The following BMAL1 variants were observed in gnomAD, a reference collection of about 807,000 sequenced individuals.
BMAL1 encodes basic helix-loop-helix ARNT-like protein 1.
chr11:13,346,204 G>A, the BMAL1 span, among the ~76,000 whole-genome samples: 3 of 152,212 alleles, frequency 2.0e-5, no homozygotes, highest in African/African-American at 7.2e-5. Flanking sequence ...AGTTGTGGCT[G>A]TCACTTCTGC....
chr11:13,384,800 TTATTTATGTTAACA>T, the BMAL1 span, among the ~76,000 whole-genome samples: 1 of 152,230 alleles, frequency 6.6e-6, no homozygotes, highest in Non-Finnish European at 1.5e-5. Context: ...ATACTATTCA[TTATTTATGTTAACA>T]TGTAGCGGGT....
chr11:13,294,372 T>A, the BMAL1 span, among the ~76,000 whole-genome samples: 4 of 147,714 alleles, frequency 2.7e-5, no homozygotes, highest in Non-Finnish European at 4.5e-5. Flanking sequence ...TGACTTTTAT[T>A]CTCATCTCCT....
the BMAL1 span, among the ~76,000 whole-genome samples, chr11:13,384,579 C>T: frequency 6.6e-6 from 1 of 152,128 alleles, no homozygotes; most frequent in Non-Finnish European, 1.5e-5. Context: ...TTAAAATATG[C>T]CTCCCTTTTC....
chr11:13,280,589 A>G, the BMAL1 span, among the ~76,000 whole-genome samples: 4 of 152,362 alleles, frequency 2.6e-5, no homozygotes, highest in Non-Finnish European at 5.9e-5. Context: ...CATCATGATA[A>G]CTAAAGTAGG....
chr11:13,325,591 C>G, the BMAL1 span, among the ~76,000 whole-genome samples: 1 of 151,418 alleles, frequency 6.6e-6, no homozygotes, highest in African/African-American at 2.4e-5. Context: ...GGAGGCAGAC[C>G]GGCAGCAGGC....
chr11:13,375,568 G>A, the BMAL1 span: 1 of 1,484,256 alleles, frequency 6.7e-7, no homozygotes, highest in Non-Finnish European at 9.0e-7. Flanking sequence ...TTAATACTTT[G>A]GTCTGAGAAA....
the BMAL1 span, among the ~76,000 whole-genome samples, chr11:13,328,674 C>T: frequency 1.3e-5 from 2 of 152,228 alleles, no homozygotes; most frequent in African/African-American, 4.8e-5. Context: ...GGTGCCAGAA[C>T]TGAATTCATC....
At chr11:13,339,430 TAC>T in the BMAL1 span, among the ~76,000 whole-genome samples, 18 of 144,146 alleles carry the variant, frequency 1.2e-4, no homozygotes, top group East Asian at 2.0e-4. Flanking sequence ...GCCCTGCTTT[TAC>T]ACACACACAC....
chr11:13,386,672 AATGGCTGTC>A, the BMAL1 span: 1 of 1,614,042 alleles, frequency 6.2e-7, no homozygotes. Flanking sequence ...ATGAGGCAGC[AATGGCTGTC>A]ATCATGAGCC....
At chr11:13,276,753 A>G in the BMAL1 span, 2 of 152,200 alleles carry the variant, frequency 1.3e-5, no homozygotes, top group Non-Finnish European at 2.9e-5. Flanking sequence ...AAGAGCCGGG[A>G]GTTCTTTGTG....
chr11:13,359,515 A>G, the BMAL1 span, among the ~76,000 whole-genome samples: 2 of 152,242 alleles, frequency 1.3e-5, no homozygotes, highest in Admixed American at 1.3e-4. Flanking sequence ...ACTAATTTCT[A>G]TTAAATTGGA....
the BMAL1 span, among the ~76,000 whole-genome samples, chr11:13,279,535 C>G: frequency 6.6e-6 from 1 of 152,148 alleles, no homozygotes; most frequent in Non-Finnish European, 1.5e-5. Context: ...CATTGCTGCT[C>G]CTGAGCAGTT....
the BMAL1 span, among the ~76,000 whole-genome samples, chr11:13,285,216 A>G: frequency 1.3e-5 from 2 of 152,102 alleles, no homozygotes; most frequent in South Asian, 4.1e-4. Flanking sequence ...CTGAATCAGG[A>G]TGGCCAGTTG....
At chr11:13,357,199 G>A in the BMAL1 span, 3 of 1,515,458 alleles carry the variant, frequency 2.0e-6, no homozygotes, top group Non-Finnish European at 2.7e-6. The surrounding 1 kb of genome is among the most constrained non-coding windows in gnomAD (Gnocchi z 4.8). Context: ...GAGTTCTGTT[G>A]GGCACTGTCA....
chr11:13,341,146 T>G, the BMAL1 span, among the ~76,000 whole-genome samples: 1 of 152,324 alleles, frequency 6.6e-6, no homozygotes, highest in African/African-American at 2.4e-5. Context: ...AGCCTCTTCT[T>G]CTGCTGCCAC....
chr11:13,309,028 A>T, the BMAL1 span, among the ~76,000 whole-genome samples: 1 of 152,156 alleles, frequency 6.6e-6, no homozygotes, highest in African/African-American at 2.4e-5. Flanking sequence ...ATATGAATGT[A>T]CTTAATACCA....
At chr11:13,325,483 T>C in the BMAL1 span, among the ~76,000 whole-genome samples, 1 of 152,260 alleles carries the variant, frequency 6.6e-6, no homozygotes, top group East Asian at 1.9e-4. Context: ...ATACCTAGAC[T>C]GTGCTCAAGT....
chr11:13,283,735 C>T, the BMAL1 span, among the ~76,000 whole-genome samples: 2 of 152,110 alleles, frequency 1.3e-5, no homozygotes, highest in African/African-American at 2.4e-5. Context: ...TGAAACCCTC[C>T]GCATAAGGGA....
chr11:13,305,720 G>A, the BMAL1 span, among the ~76,000 whole-genome samples: 1 of 152,146 alleles, frequency 6.6e-6, no homozygotes, highest in African/African-American at 2.4e-5. Flanking sequence ...TTAAGTGTAA[G>A]GTCAGCTGTG....
Sources: allele counts gnomAD v4.1 joint callset (sites outside exome capture counted in the v4.1 genomes callset), GRCh38; gene constraint gnomAD v4.1.1; non-coding constraint Gnocchi (gnomAD v3.1); transcripts MANE v1.5; gene names NCBI Gene and HGNC (gene_info 2026-07-23, HGNC 2026-07-21).